Variants in TENM4 observed in about 807,000 individuals in gnomAD.
TENM4 encodes teneurin-4.
A neutral mutation model predicts 243.3 loss-of-function variants in TENM4; 82 were observed. That is an observed-to-expected ratio of 0.34 (90% CI 0.28 to 0.40). The LOEUF is 0.40. Ranked by LOEUF, TENM4 falls within the 10% of genes least tolerant of loss-of-function variation. The pLI, the probability that TENM4 is intolerant of heterozygous loss-of-function variation, is 1.00. For synonymous variants in TENM4, 1,412 were observed against 1,456.3 expected (o/e 0.97, Z 0.69); for missense variants, 3,138 against 3,673.3 (o/e 0.85, Z 3.77).
chr11:78,880,005 G>A (rs559738425), intron 9 of TENM4, among the ~76,000 whole-genome samples: 28 of 152,206 alleles, frequency 1.8e-4, no homozygotes, highest in African/African-American at 4.6e-4. Flanking sequence ...CGGTTTTGTC[G>A]AAAAGCAAAG....
At chr11:78,935,244 C>T (rs1332133213) in intron 6 of TENM4, among the ~76,000 whole-genome samples, 1 of 151,814 alleles carries the variant, frequency 6.6e-6, no homozygotes, top group Non-Finnish European at 1.5e-5. Flanking sequence ...ATCTCCTGAC[C>T]TCATGATCCA....
intron 14 of TENM4, among the ~76,000 whole-genome samples, chr11:78,810,675 T>C (rs1288584410): frequency 6.6e-6 from 1 of 152,218 alleles, no homozygotes; most frequent in Non-Finnish European, 1.5e-5. Flanking sequence ...GGGGTTTATA[T>C]ACAGCTTGTC....
chr11:79,405,847 C>T (rs1192021872), intron 1 of TENM4, among the ~76,000 whole-genome samples: 2 of 69,264 alleles, frequency 2.9e-5, no homozygotes, highest in African/African-American at 5.1e-5. Flanking sequence ...ATTGTGATTT[C>T]AAAAAAAAAA....
chr11:78,712,537 G>A lies in TENM4; in HGVS notation c.3999C>T (p.Asp1333=). 1 of 1,614,014 alleles carries A rather than the reference G, an allele frequency of 6.2e-7. No individual in the cohort carries two copies. Among genetic ancestry groups the A allele is most frequent in the Non-Finnish European group, 8.5e-7 (1 of 1,179,896 alleles). The change falls in exon 26 of 34, where the codon GAC becomes GAT. Residue 1333 remains aspartate, a synonymous_variant. Transcript: ENST00000278550. ...GTGDQCLPFD[D]TRCGDGGKAT... ...CCTTCCCACCATCCCCGCAGCGAGT[G>A]TCATCAAAGGGGAGGCACTGGTCAC...
rs34339117 is a variant in TENM4 at position 79,124,369 on chromosome 11, T to G, written c.-66+24341A>C. Reference sequence around the variant, plus strand: ...GATTGGCAAAATCTAATCAGCTTCCTGGCTAGAATATAAGCAGGCAGAAAA... The same window carrying G: ...GATTGGCAAAATCTAATCAGCTTCCGGGCTAGAATATAAGCAGGCAGAAAA... On this transcript the variant is annotated intron_variant, in intron 4 of 33. Coordinates refer to ENST00000278550, the MANE Select transcript of TENM4 (RefSeq NM_001098816.3). Among the ~76,000 whole-genome samples the G allele has an allele frequency of 8.9e-3, 1,358 of 152,052 alleles. 16 individuals are homozygous for G. The highest frequency in any genetic ancestry group is 0.027 in the Middle Eastern group (8 of 294).
intron 6 of TENM4, among the ~76,000 whole-genome samples, chr11:78,912,647 A>G (rs530817378): frequency 2.6e-5 from 4 of 152,344 alleles, no homozygotes; most frequent in African/African-American, 9.6e-5. Context: ...CTCAACCATC[A>G]GTGAATGTTC....
chr11:78,843,594 T>C (rs574635426), intron 12 of TENM4, among the ~76,000 whole-genome samples: 16 of 152,172 alleles, frequency 1.1e-4, no homozygotes, highest in South Asian at 2.1e-4. Context: ...TTTTGCCAAG[T>C]AGTTCCAGAG....
chr11:79,404,662 C>T (rs1228796569), intron 1 of TENM4, among the ~76,000 whole-genome samples: 1 of 152,070 alleles, frequency 6.6e-6, no homozygotes, highest in African/African-American at 2.4e-5. Flanking sequence ...AAGAATGTTG[C>T]GTGTGCTGAG....
At chr11:78,949,196 G>C (rs937915982) in intron 6 of TENM4, among the ~76,000 whole-genome samples, 2 of 152,200 alleles carry the variant, frequency 1.3e-5, no homozygotes. Context: ...AAAGTCGCCA[G>C]TGGTCACATG....
intron 28 of TENM4, 34 bp downstream of exon 28, chr11:78,701,492 C>T: frequency 6.5e-7 from 1 of 1,527,410 alleles, no homozygotes; most frequent in African/African-American, 1.4e-5. Context: ...ATTAATGAAA[C>T]AAAATCATCA....
intron 6 of TENM4, among the ~76,000 whole-genome samples, chr11:78,985,812 A>G (rs17754424): frequency 0.019 from 2,837 of 152,168 alleles, 38 homozygotes; most frequent in Non-Finnish European, 0.026. Flanking sequence ...GCTGGGTTCA[A>G]TGAAGGTCAG....
At chr11:79,171,781 A>G (rs548271995) in intron 3 of TENM4, among the ~76,000 whole-genome samples, 2 of 152,226 alleles carry the variant, frequency 1.3e-5, no homozygotes, top group East Asian at 3.8e-4. Flanking sequence ...TTTTGGACAA[A>G]TCTTCATTAA....
At chr11:79,084,210 G>C (rs1311995039) in intron 4 of TENM4, among the ~76,000 whole-genome samples, 1 of 152,128 alleles carries the variant, frequency 6.6e-6, no homozygotes. Context: ...AAAAAATAGT[G>C]ACAACATTAA....
Position 78,817,867 on chromosome 11 carries a change from C to A in TENM4, c.1682-3472G>T, listed in dbSNP as rs373002879. Among the ~76,000 whole-genome samples, 5 of 152,090 alleles carry A rather than the reference C, an allele frequency of 3.3e-5. No homozygotes were observed. In the South Asian group the frequency reaches 6.2e-4, roughly 19 times the overall value. ...CATTATTGCACTTGCTCCTACCGTA[C>A]GTTCCTGCTTGGCAACTTCTATTCC... On this transcript the variant is annotated intron_variant, in intron 12 of 33. Transcript: ENST00000278550.
At chr11:79,173,862 A>G (rs1469141859) in intron 3 of TENM4, among the ~76,000 whole-genome samples, 1 of 152,238 alleles carries the variant, frequency 6.6e-6, no homozygotes, top group East Asian at 1.9e-4. Context: ...TTAGCCCAGA[A>G]GAATGTCTTC....
chr11:78,749,021 C>T (rs1022545594), intron 19 of TENM4, among the ~76,000 whole-genome samples: 2 of 152,208 alleles, frequency 1.3e-5, no homozygotes, highest in African/African-American at 2.4e-5. Context: ...CGCTGCACCA[C>T]AGCATCCTCT....
intron 6 of TENM4, among the ~76,000 whole-genome samples, chr11:78,960,789 G>A (rs748822836): frequency 6.6e-6 from 1 of 152,178 alleles, no homozygotes. Flanking sequence ...GTACTCCCAA[G>A]AGAAAAGATG....
rs934747790 is a variant in TENM4, at chr11:79,356,030, T to C, written c.-320-58487A>G. ...TCTACTGCCTCGAGGGCCCACAGAC[T>C]CACCCCAGGCAGTAGCACTGTGAGC... On this transcript the variant is annotated intron_variant, in intron 1 of 33. Coordinates refer to ENST00000278550, the MANE Select transcript of TENM4 (RefSeq NM_001098816.3). 7.2e-5 allele frequency among the ~76,000 whole-genome samples: 11 copies of C among 152,308 alleles called. 1 individual carries two copies. The highest frequency in any genetic ancestry group is 2.6e-4 in the Admixed American group (4 of 15,298).
chr11:79,436,781 C>A (rs2135624895), intron 1 of TENM4, among the ~76,000 whole-genome samples: 1 of 152,318 alleles, frequency 6.6e-6, no homozygotes, highest in Admixed American at 6.5e-5. Context: ...TTGATGAAAA[C>A]AAGATGAGAG....
Sources: allele counts gnomAD v4.1 joint callset (sites outside exome capture counted in the v4.1 genomes callset), GRCh38; gene constraint gnomAD v4.1.1; transcripts MANE v1.5; gene names NCBI Gene and HGNC (gene_info 2026-07-23, HGNC 2026-07-21).